CEP85L: variants seen among roughly 807,000 people sequenced by gnomAD.
CEP85L encodes the protein centrosomal protein of 85 kDa-like.
In CEP85L, 60 loss-of-function variants were observed where a neutral mutation model predicts 100.3. The observed-to-expected ratio is 0.60, with a 90% CI of 0.49 to 0.74. CEP85L has a LOEUF of 0.74. Among genes scored for constraint, CEP85L ranks in the 30% least tolerant of loss-of-function variants. The pLI is 0.00. For synonymous variants in CEP85L, 319 were observed against 322.7 expected (o/e 0.99, Z 0.12); for missense variants, 973 against 936.2 (o/e 1.04, Z -0.51).
At chr6:118,599,816 G>A (rs967032321) in intron 2 of CEP85L, among the ~76,000 whole-genome samples, 12 of 151,040 alleles carry the variant, frequency 7.9e-5, no homozygotes, top group Non-Finnish European at 1.5e-4. Context: ...TGAGAAAAAC[G>A]TAAGACAAAT....
chr6:118,544,984 C>T (rs940591315), intron 3 of CEP85L, among the ~76,000 whole-genome samples: 1 of 152,072 alleles, frequency 6.6e-6, no homozygotes, highest in Non-Finnish European at 1.5e-5. Context: ...TTATCAAACC[C>T]TCAAGTACCC....
intron 3 of CEP85L, among the ~76,000 whole-genome samples, chr6:118,534,744 G>A (rs1777489203): frequency 6.6e-6 from 1 of 152,158 alleles, no homozygotes; most frequent in South Asian, 2.1e-4. Flanking sequence ...TAAAGGCCAG[G>A]TGCAGTCAGT....
intron 10 of CEP85L, among the ~76,000 whole-genome samples, chr6:118,471,987 G>T (rs1772994965): frequency 6.6e-6 from 1 of 151,524 alleles, no homozygotes; most frequent in Non-Finnish European, 1.5e-5. Context: ...ATTTGTGACG[G>T]TTTATTAGAA....
chr6:118,559,222 A>C, intron 3 of CEP85L: 1 of 763,696 alleles, frequency 1.3e-6, no homozygotes, highest in Non-Finnish European at 2.4e-6. Flanking sequence ...GATTAAGACT[A>C]AAACTTATTG....
At chr6:118,494,933 C>T (rs757496666) in intron 5 of CEP85L, among the ~76,000 whole-genome samples, 5 of 151,912 alleles carry the variant, frequency 3.3e-5, no homozygotes, top group African/African-American at 4.8e-5. Context: ...AGACAGTATA[C>T]AAGAACATAC....
chr6:118,532,363 GGC>G (rs1777345122), intron 3 of CEP85L, among the ~76,000 whole-genome samples: 3 of 152,006 alleles, frequency 2.0e-5, no homozygotes, highest in Admixed American at 2.0e-4. Flanking sequence ...TGATGAGGGG[GGC>G]GGGTGGAAGG....
intron 4 of CEP85L, among the ~76,000 whole-genome samples, chr6:118,512,676 C>G (rs1395655157): frequency 6.6e-6 from 1 of 151,906 alleles, no homozygotes; most frequent in African/African-American, 2.4e-5. Flanking sequence ...GCTGAGAAAC[C>G]CAGGGTTTGT....
In CEP85L at chr6:118,481,901, T is replaced by C; in HGVS notation, c.1623A>G (p.Leu541=). ...LQILEEKNKN[L]QEALIDTEKK... Reference sequence around the variant, plus strand: ...TTTCTGTATCTATCAAAGCCTCTTGTAAATTCTTATTTTTTTCTTCCAGAA... The same window carrying C: ...TTTCTGTATCTATCAAAGCCTCTTGCAAATTCTTATTTTTTTCTTCCAGAA... Residue 541 remains leucine (L), a synonymous_variant, in exon 8 of 13, where the codon TTA becomes TTG. Transcript: ENST00000368491. The C allele has an allele frequency of 6.4e-7, 1 of 1,572,790 alleles. No individual in the cohort carries two copies. The highest frequency in any genetic ancestry group is 1.2e-5 in the South Asian group (1 of 83,282).
intron 3 of CEP85L, among the ~76,000 whole-genome samples, chr6:118,557,752 A>C (rs1474333534): frequency 6.6e-6 from 1 of 152,212 alleles, no homozygotes; most frequent in Non-Finnish European, 1.5e-5. Context: ...AAATTGGTAA[A>C]GTCTACGGTG....
intron 9 of CEP85L, 27 bp downstream of exon 9, chr6:118,480,369 C>T: frequency 7.9e-7 from 1 of 1,269,436 alleles, no homozygotes; most frequent in East Asian, 2.3e-5. Context: ...ATAGATTTCA[C>T]GTTTATGATC....
chr6:118,514,800 A>G, intron 4 of CEP85L, among the ~76,000 whole-genome samples: 1 of 151,930 alleles, frequency 6.6e-6, no homozygotes, highest in East Asian at 1.9e-4. Flanking sequence ...TAGTAGAAGC[A>G]GATTTTTTTT....
At chr6:118,679,524 T>G (rs574488786) in intron 1 of CEP85L, among the ~76,000 whole-genome samples, 1 of 152,352 alleles carries the variant, frequency 6.6e-6, no homozygotes, top group Admixed American at 6.5e-5. Context: ...AAGAGCAGAA[T>G]GATGATATTA....
chr6:118,653,755 G>A (rs868120639), upstream of CEP85L, among the ~76,000 whole-genome samples: 8 of 133,600 alleles, frequency 6.0e-5, no homozygotes, highest in African/African-American at 2.0e-4. Flanking sequence ...GTGTATGTGT[G>A]TGTGTGTGTG....
chr6:118,637,703 C>CA (rs11388747), intron 1 of CEP85L, among the ~76,000 whole-genome samples: 22,433 of 45,282 alleles, frequency 0.5, 6,570 homozygotes, highest in East Asian at 0.71. Flanking sequence ...AAGACTGTCT[C>CA]AAAAAAAAAA....
intron 6 of CEP85L, 90 bp downstream of exon 6, chr6:118,491,596 G>A: frequency 6.6e-7 from 1 of 1,510,344 alleles, no homozygotes; most frequent in Non-Finnish European, 8.8e-7. Context: ...ACATAACCTG[G>A]CATGACACCT....
At chr6:118,706,682 T>C (rs1777601328) in intron 1 of CEP85L, among the ~76,000 whole-genome samples, 1 of 152,242 alleles carries the variant, frequency 6.6e-6, no homozygotes, top group South Asian at 2.1e-4. Flanking sequence ...ACTTGAGATA[T>C]CAGGAAACGC....
chr6:118,510,904 T>G (rs1007412537), intron 5 of CEP85L, among the ~76,000 whole-genome samples: 1 of 152,086 alleles, frequency 6.6e-6, no homozygotes, highest in Non-Finnish European at 1.5e-5. Flanking sequence ...AGGGGTGTTA[T>G]CTAGGTAATG....
Position 118,511,432 on chromosome 6 carries a change from A to T in CEP85L, c.1140-17T>A. The T allele has an allele frequency of 6.7e-7, 1 of 1,491,604 alleles. No individual in the cohort carries two copies. The highest frequency in any genetic ancestry group is 9.3e-7 in the Non-Finnish European group (1 of 1,069,628). 92.4% of individuals were successfully genotyped at this position (1,491,604 alleles called of 1,614,324 possible). ...TGCTTCTGCCTGCAAAACATAAATTAAGGTCACATTATGAGTTATAATTTT... is the reference window on the plus strand; with the variant it reads ...TGCTTCTGCCTGCAAAACATAAATTTAGGTCACATTATGAGTTATAATTTT... On this transcript the variant is annotated splice_polypyrimidine_tract_variant and intron_variant, in intron 4 of 12. Coordinates refer to ENST00000368491, the MANE Select transcript of CEP85L (RefSeq NM_001042475.3).
At chr6:118,501,833 GA>G in intron 5 of CEP85L, 1 of 1,232,876 alleles carries the variant, frequency 8.1e-7, no homozygotes, top group Non-Finnish European at 1.2e-6. Context: ...AGAGAGAGAG[GA>G]CTCTGGAGAT....
Sources: gnomAD v4.1 joint callset for allele counts (sites outside exome capture counted in the v4.1 genomes callset) on GRCh38, gnomAD v4.1.1 for gene constraint, MANE v1.5 for transcripts, NCBI Gene and HGNC (gene_info 2026-07-23, HGNC 2026-07-21) for gene names.